The following FAM234A variants were observed in gnomAD, a reference collection of about 807,000 sequenced individuals.
The protein encoded by FAM234A is family with sequence similarity 234 member A, also known as protein FAM234A.
In FAM234A, 42 loss-of-function variants were observed where a neutral mutation model predicts 49.1. The ratio of observed to expected loss-of-function variants is 0.86; its 90% CI spans 0.67 to 1.11. The LOEUF (loss-of-function observed/expected upper bound fraction) is 1.11, where lower values mean the gene tolerates loss of function less well. FAM234A is among the 50% of genes least tolerant of loss of function. The probability of loss-of-function intolerance (pLI) is 0.00; values close to 1 mark genes in which losing one functional copy is unlikely to be tolerated. For synonymous variants in FAM234A, 369 were observed against 316.2 expected (o/e 1.17, Z -1.77); for missense variants, 815 against 745.2 (o/e 1.09, Z -1.09).
rs181258290 is a variant in FAM234A at position 251,895 on chromosome 16, C to T, written c.-34+2241C>T. Reference sequence around the variant, plus strand: ...GCGGACGCCCATAGTCCCAGCTATTCGGGAGGCTGAGGCAGGAGAATGGTG... The same window carrying T: ...GCGGACGCCCATAGTCCCAGCTATTTGGGAGGCTGAGGCAGGAGAATGGTG... On this transcript the variant is annotated intron_variant, in intron 2 of 12. Transcript: ENST00000399932. Among the ~76,000 whole-genome samples, 799 of 148,342 alleles carry T rather than the reference C, an allele frequency of 5.4e-3. 8 individuals carry two copies. The highest frequency in any genetic ancestry group is 0.019 in the African/African-American group (772 of 40,386).
intron 1 of FAM234A, among the ~76,000 whole-genome samples, chr16:239,192 C>T (rs1475299072): frequency 1.5e-5 from 2 of 131,762 alleles, no homozygotes; most frequent in Admixed American, 8.0e-5. Flanking sequence ...CCCAGCTACT[C>T]GGGAGGATGA....
Position 264,618 on chromosome 16 carries a change from C to G in FAM234A, c.1349C>G (p.Thr450Ser). ...HELGSTSETETGEARHSLYMF... is the reference protein window; with the variant it reads ...HELGSTSETESGEARHSLYMF... ...CATTGCTGGTTCTCGCTCCAGGAGA[C>G]CGGGGAGGCCCGGCACAGCCTGTAC... The change falls in exon 12 of 13, where the codon ACC becomes AGC. Residue 450 changes from threonine (T) to serine (S), a missense_variant. Transcript: ENST00000399932. The G allele has an allele frequency of 6.2e-7, 1 of 1,608,262 alleles. No individual in the cohort carries two copies. Among genetic ancestry groups the G allele is most frequent in the Non-Finnish European group, 8.5e-7 (1 of 1,177,948 alleles).
At chr16:236,768 A>T (rs1456319177) in intron 1 of FAM234A, among the ~76,000 whole-genome samples, 1 of 129,486 alleles carries the variant, frequency 7.7e-6, no homozygotes, top group African/African-American at 2.7e-5. Context: ...TAGCCGGGCG[A>T]GGTGGCGGGC....
At position 262,113 on chromosome 16, in the gene FAM234A, C is replaced by T. The variant is rs769945192; in HGVS notation, c.729C>T (p.Ser243=). 6.9e-5 allele frequency: 111 copies of T among 1,614,010 alleles called. No homozygotes were observed. Among genetic ancestry groups the T allele is most frequent in the Middle Eastern group, 3.3e-4 (2 of 6,062 alleles). Residue 243 remains serine (S), a synonymous_variant, in exon 7 of 13, where the codon TCC becomes TCT. Coordinates refer to ENST00000399932, the MANE Select transcript of FAM234A (RefSeq NM_032039.4). ...TGCAGGTTAGTGGCCACCTCTACTCCGGCAGCACCGGGCACCAGATTGGCC... is the reference window on the plus strand; with the variant it reads ...TGCAGGTTAGTGGCCACCTCTACTCTGGCAGCACCGGGCACCAGATTGGCC... The part of the protein sequence containing the change: ...EREEVSGHLY[S]GSTGHQIGLR...
intron 8 of FAM234A, among the ~76,000 whole-genome samples, 177 bp downstream of exon 8, chr16:262,730 G>A (rs1239957065): frequency 6.6e-6 from 1 of 152,068 alleles, no homozygotes; most frequent in Non-Finnish European, 1.5e-5. Context: ...AATAAAAGTT[G>A]AGTAAAGAGA....
At chr16:256,868 G>A (rs550199923) in intron 3 of FAM234A, among the ~76,000 whole-genome samples, 6 of 150,636 alleles carry the variant, frequency 4.0e-5, no homozygotes, top group African/African-American at 1.2e-4. Context: ...TCAGCCTCCC[G>A]AGTAGCTGAA....
rs372755887 is a variant in FAM234A, at chr16:235,114, C to A, written c.-140+257C>A. 2.0e-5 allele frequency among the ~76,000 whole-genome samples: 3 copies of A among 152,348 alleles called. No homozygotes were observed. The South Asian group carries it at 6.2e-4, about 32-fold the overall frequency. On this transcript the variant is annotated intron_variant, in intron 1 of 12. Coordinates refer to ENST00000399932, the MANE Select transcript of FAM234A (RefSeq NM_032039.4). The stretch of plus-strand genomic sequence containing the variant: ...TTCGGGTTTCCCCCATTGCCGCAGC[C>A]TGGGTTTCAGTGGCATTCAGAACAA...
chr16:254,739 G>A (rs1302025755), intron 3 of FAM234A, 58 bp downstream of exon 3: 5 of 1,563,334 alleles, frequency 3.2e-6, no homozygotes, highest in Non-Finnish European at 1.7e-6. Flanking sequence ...AGGGGATGGG[G>A]CGGAGGGGGC....
chr16:264,966 A>G lies in FAM234A; in HGVS notation c.1603A>G (p.Ser535Gly). ...VVRLGEGGPD[S>G]DQAIRDRFSR... ...CCGCCTGGGTGAGGGTGGGCCAGAC[A>G]GTGACCAAGCCATCAGGGACCGGTT... Residue 535 changes from serine (S) to glycine (G), a missense_variant, in exon 13 of 13, where the codon AGT becomes GGT. Coordinates refer to ENST00000399932, the MANE Select transcript of FAM234A (RefSeq NM_032039.4). 1 of 1,612,652 alleles carries G rather than the reference A, an allele frequency of 6.2e-7. No individual in the cohort carries two copies.
At position 263,417 on chromosome 16, in the gene FAM234A, C is replaced by A; in HGVS notation, c.1112+15C>A. 1 of 1,605,956 alleles carries A rather than the reference C, an allele frequency of 6.2e-7. No individual in the cohort carries two copies. Among genetic ancestry groups the A allele is most frequent in the African/African-American group, 1.3e-5 (1 of 75,054 alleles). On this transcript the variant is annotated intron_variant, in intron 9 of 12. Transcript: ENST00000399932. ...CATGTCCTGAGGTACAGGGTTTCCC[C>A]AAGGACCGCGCAGGTGCTGCACCCC...
At chr16:251,260 C>T (rs2050994275) in intron 2 of FAM234A, among the ~76,000 whole-genome samples, 2 of 152,176 alleles carry the variant, frequency 1.3e-5, no homozygotes, top group South Asian at 4.1e-4. Flanking sequence ...CCAGCCGATA[C>T]GTTCATATGT....
chr16:260,583 G>T lies in FAM234A; in HGVS notation c.577+423G>T, dbSNP rs1186073310. 3 of 476,194 alleles carry T rather than the reference G, an allele frequency of 6.3e-6. No individual in the cohort carries two copies. The East Asian group carries it at 2.0e-4, about 33-fold the overall frequency. 29.5% of individuals were successfully genotyped at this position (476,194 alleles called of 1,614,324 possible). On this transcript the variant is annotated intron_variant, in intron 5 of 12. Coordinates refer to ENST00000399932, the MANE Select transcript of FAM234A (RefSeq NM_032039.4). ...TGTCAGTGCCCCTAAGCCTGAAGGT[G>T]CAGGTCTCCGAGCCCCAGCGGAGCC...
intron 1 of FAM234A, among the ~76,000 whole-genome samples, chr16:244,129 C>T (rs889259895): frequency 1.2e-4 from 18 of 152,064 alleles, no homozygotes; most frequent in African/African-American, 1.9e-4. Context: ...CCACCACGCC[C>T]GGCTAATTTT....
intron 1 of FAM234A, chr16:248,245 G>GAA (rs1301625305): frequency 1.3e-5 from 2 of 151,970 alleles, no homozygotes; most frequent in African/African-American, 4.8e-5. Context: ...TTGTTACAGA[G>GAA]ATGGTCCGTG....
chr16:257,337 C>T (rs1322329444), intron 3 of FAM234A, among the ~76,000 whole-genome samples: 2 of 150,702 alleles, frequency 1.3e-5, no homozygotes, highest in Non-Finnish European at 3.0e-5. Flanking sequence ...CCTCCACCTC[C>T]CGGGTTCAAG....
intron 1 of FAM234A, among the ~76,000 whole-genome samples, chr16:247,562 G>A (rs1275812965): frequency 6.6e-6 from 1 of 151,588 alleles, no homozygotes; most frequent in Non-Finnish European, 1.5e-5. Flanking sequence ...ACTCCCAAGT[G>A]ACTGGGATTA....
chr16:251,876 G>C (rs994093095), intron 2 of FAM234A, among the ~76,000 whole-genome samples: 1 of 150,686 alleles, frequency 6.6e-6, no homozygotes, highest in African/African-American at 2.4e-5. Context: ...GGTGGCGGAC[G>C]CCCATAGTCC....
intron 1 of FAM234A, among the ~76,000 whole-genome samples, chr16:244,041 T>C (rs1476682464): frequency 6.6e-6 from 1 of 151,860 alleles, no homozygotes; most frequent in Non-Finnish European, 1.5e-5. Context: ...CCATCTCGGC[T>C]CACTGCAACC....
Position 253,559 on chromosome 16 carries a change from C to T in FAM234A, c.-33-822C>T, listed in dbSNP as rs573813393. Among the ~76,000 whole-genome samples, 163 of 152,018 alleles carry T rather than the reference C, an allele frequency of 1.1e-3. 1 individual carries two copies. Among genetic ancestry groups the T allele is most frequent in the Non-Finnish European group, 2.1e-3 (142 of 67,994 alleles). ...GCGTGATCTCGGCTCACTGCAAGCTCCGCCTCCCGGGTTCACGCCATTCTC... is the reference window on the plus strand; with the variant it reads ...GCGTGATCTCGGCTCACTGCAAGCTTCGCCTCCCGGGTTCACGCCATTCTC... On this transcript the variant is annotated intron_variant, in intron 2 of 12. Coordinates refer to ENST00000399932, the MANE Select transcript of FAM234A (RefSeq NM_032039.4).
Sources: allele counts gnomAD v4.1 joint callset (sites outside exome capture counted in the v4.1 genomes callset), GRCh38; gene constraint gnomAD v4.1.1; transcripts MANE v1.5; gene names NCBI Gene and HGNC (gene_info 2026-07-23, HGNC 2026-07-21).